CDH13: variants seen among roughly 807,000 people sequenced by gnomAD.
The protein encoded by CDH13 is cadherin-13.
Under a neutral mutation model 63.8 loss-of-function variants are expected in CDH13, and 24 were observed. The observed-to-expected ratio is 0.38, with a 90% CI of 0.27 to 0.53. The LOEUF (loss-of-function observed/expected upper bound fraction) is 0.53, where lower values mean the gene tolerates loss of function less well. Ranked by LOEUF, CDH13 falls within the 20% of genes least tolerant of loss-of-function variation. The pLI is 0.85. For missense variants in CDH13, 1,049 were observed against 903.1 expected (o/e 1.16, Z -2.07); for synonymous variants, 503 against 355.3 (o/e 1.42, Z -4.67).
chr16:82,743,438 A>G (rs2034024558), intron 1 of CDH13, among the ~76,000 whole-genome samples: 1 of 152,140 alleles, frequency 6.6e-6, no homozygotes, highest in Non-Finnish European at 1.5e-5. Flanking sequence ...CGTATTGCCC[A>G]GGATAGTCTC....
intron 1 of CDH13, among the ~76,000 whole-genome samples, chr16:82,664,594 A>G (rs1912368979): frequency 6.6e-6 from 1 of 152,160 alleles, no homozygotes; most frequent in Admixed American, 6.5e-5. Flanking sequence ...TGACTGGGAG[A>G]AAGGACCCAA....
At chr16:82,956,482 A>G (rs1029456520) in intron 2 of CDH13, among the ~76,000 whole-genome samples, 5 of 152,142 alleles carry the variant, frequency 3.3e-5, no homozygotes, top group African/African-American at 4.8e-5. Context: ...TTTCTTTAAC[A>G]TATCAGAGCC....
intron 12 of CDH13, among the ~76,000 whole-genome samples, chr16:83,781,562 G>A (rs901198810): frequency 2.0e-5 from 3 of 151,718 alleles, no homozygotes; most frequent in Non-Finnish European, 2.9e-5. Flanking sequence ...AGTGCCTTTT[G>A]CTTGTTATTG....
At chr16:82,778,126 C>G (rs1420299392) in intron 1 of CDH13, among the ~76,000 whole-genome samples, 2 of 152,188 alleles carry the variant, frequency 1.3e-5, no homozygotes, top group African/African-American at 2.4e-5. Flanking sequence ...GAGCCAGCCA[C>G]TGCCTACTAC....
intron 10 of CDH13, among the ~76,000 whole-genome samples, chr16:83,722,716 C>G (rs181917953): frequency 2.6e-4 from 40 of 152,332 alleles, no homozygotes; most frequent in African/African-American, 9.6e-4. Context: ...CTTTGTCCAG[C>G]AGAGTCACCA....
At chr16:83,790,525 G>A (rs375877876) in intron 13 of CDH13, among the ~76,000 whole-genome samples, 5 of 152,042 alleles carry the variant, frequency 3.3e-5, no homozygotes, top group Non-Finnish European at 2.9e-5. Flanking sequence ...TCAGCCTCCC[G>A]AGTGGCTGAG....
intron 2 of CDH13, among the ~76,000 whole-genome samples, chr16:82,956,953 C>G (rs1037282075): frequency 2.8e-4 from 43 of 152,258 alleles, no homozygotes; most frequent in African/African-American, 9.9e-4. Context: ...CCCACTGTGT[C>G]ACTTAGAGAC....
intron 1 of CDH13, among the ~76,000 whole-genome samples, chr16:82,775,686 G>T (rs546684436): frequency 1.3e-5 from 2 of 152,258 alleles, no homozygotes; most frequent in Non-Finnish European, 2.9e-5. Flanking sequence ...CAGGCATTTT[G>T]TCTTCTCAAT....
At chr16:82,823,728 A>C (rs1270352598) in intron 1 of CDH13, 1 of 152,194 alleles carries the variant, frequency 6.6e-6, no homozygotes, top group Non-Finnish European at 1.5e-5. Flanking sequence ...TGTGTATTGA[A>C]AGATAAATGT....
At chr16:82,654,248 C>T (rs564603031) in intron 1 of CDH13, among the ~76,000 whole-genome samples, 15 of 152,196 alleles carry the variant, frequency 9.9e-5, no homozygotes, top group Non-Finnish European at 2.1e-4. Flanking sequence ...AACCTCTGGA[C>T]AGTGTCTTTG....
intron 6 of CDH13, among the ~76,000 whole-genome samples, chr16:83,466,146 A>T (rs2073309001): frequency 6.6e-6 from 1 of 152,180 alleles, no homozygotes; most frequent in Admixed American, 6.5e-5. Context: ...CACCCGTCCT[A>T]GCTGGGAGCC....
chr16:83,277,059 G>A (rs1339384217), intron 5 of CDH13, among the ~76,000 whole-genome samples: 1 of 152,124 alleles, frequency 6.6e-6, no homozygotes, highest in Non-Finnish European at 1.5e-5. Context: ...ACATGTGGGA[G>A]TTCAAGATGA....
At chr16:82,765,546 T>A (rs867441362) in intron 1 of CDH13, among the ~76,000 whole-genome samples, 57 of 152,180 alleles carry the variant, frequency 3.7e-4, no homozygotes, top group African/African-American at 1.3e-3. Context: ...ATGATGCTGC[T>A]ATCAATGGGG....
intron 2 of CDH13, among the ~76,000 whole-genome samples, chr16:82,953,013 G>C (rs1408897147): frequency 1.3e-5 from 2 of 152,180 alleles, no homozygotes; most frequent in African/African-American, 4.8e-5. Flanking sequence ...CATACTGCCA[G>C]CAAGTGCCAT....
chr16:83,712,568 G>A (rs184797871), intron 10 of CDH13, among the ~76,000 whole-genome samples: 44 of 152,328 alleles, frequency 2.9e-4, no homozygotes, highest in Non-Finnish European at 6.0e-4. Context: ...CACCCCTCAA[G>A]GTCTGGAGAA....
chr16:82,813,813 A>G (rs752101400), intron 1 of CDH13, among the ~76,000 whole-genome samples: 8 of 152,220 alleles, frequency 5.3e-5, no homozygotes, highest in Non-Finnish European at 1.2e-4. Flanking sequence ...GCGAAAAGAT[A>G]GATTTTGAAG....
chr16:83,342,344 C>G (rs1222854548), intron 5 of CDH13, among the ~76,000 whole-genome samples: 1 of 152,146 alleles, frequency 6.6e-6, no homozygotes, highest in Non-Finnish European at 1.5e-5. Flanking sequence ...GTTATCTTTT[C>G]TGCTAACCAC....
chr16:83,084,496 T>C (rs757030597), intron 3 of CDH13, among the ~76,000 whole-genome samples: 1 of 152,222 alleles, frequency 6.6e-6, no homozygotes, highest in Non-Finnish European at 1.5e-5. Context: ...CTTTGAACTT[T>C]CAAGATTATG....
chr16:82,869,023 T>C lies in CDH13; in HGVS notation c.157+10550T>C, dbSNP rs114149266. On this transcript the variant is annotated intron_variant, in intron 2 of 13. Coordinates refer to ENST00000567109, the MANE Select transcript of CDH13 (RefSeq NM_001257.5). ...TTTGAGGGCTAAATATTAATCTATGTGTGATAACTGCTACATTGTGTAATT... is the reference window on the plus strand; with the variant it reads ...TTTGAGGGCTAAATATTAATCTATGCGTGATAACTGCTACATTGTGTAATT... Among the ~76,000 whole-genome samples, 1,426 of 152,328 alleles carry C rather than the reference T, an allele frequency of 9.4e-3. 25 individuals carry two copies. The highest frequency in any genetic ancestry group is 0.032 in the African/African-American group (1,349 of 41,578).
Sources: gnomAD v4.1 joint callset for allele counts (sites outside exome capture counted in the v4.1 genomes callset) on GRCh38, gnomAD v4.1.1 for gene constraint, MANE v1.5 for transcripts, NCBI Gene and HGNC (gene_info 2026-07-23, HGNC 2026-07-21) for gene names.